Variants in ATXN2 observed in about 807,000 individuals in gnomAD.
The protein encoded by ATXN2 is ataxin-2.
ATXN2 carries 37 observed loss-of-function variants against 138.6 expected under a neutral mutation model. The observed-to-expected ratio is 0.27, with a 90% CI of 0.21 to 0.35. The LOEUF (loss-of-function observed/expected upper bound fraction) is 0.35. ATXN2 is among the 10% of genes least tolerant of loss of function. The pLI is 1.00. For missense variants in ATXN2, 1,216 were observed against 1,480.3 expected (o/e 0.82, Z 2.93); for synonymous variants, 549 against 543.7 (o/e 1.01, Z -0.13).
chr12:111,522,776 T>C (rs1880250942), intron 6 of ATXN2, among the ~76,000 whole-genome samples: 1 of 151,732 alleles, frequency 6.6e-6, no homozygotes, highest in African/African-American at 2.4e-5. Flanking sequence ...TAGCCAGATG[T>C]GGTGGCGGGC....
rs1883693131 is a variant in ATXN2 at position 111,576,924 on chromosome 12, CT to C, written c.252-21006del. ...AGTGAGCCGAGATCACGCCACTGCA[CT>C]CCAGCCTGGGCGACAGAGCGAGACT... On this transcript the variant is annotated intron_variant, in intron 1 of 24. Transcript: ENST00000673436. 2.0e-5 allele frequency among the ~76,000 whole-genome samples: 3 copies of C among 151,966 alleles called. No homozygotes were observed. In the South Asian group the frequency reaches 6.2e-4, roughly 31 times the overall value.
intron 14 of ATXN2, among the ~76,000 whole-genome samples, chr12:111,504,728 A>T (rs964339571): frequency 6.6e-6 from 1 of 152,154 alleles, no homozygotes; most frequent in Non-Finnish European, 1.5e-5. Context: ...TAATATAAAG[A>T]ATGAATTTGA....
chr12:111,529,042 A>C (rs1348606502), intron 5 of ATXN2, among the ~76,000 whole-genome samples: 1 of 152,076 alleles, frequency 6.6e-6, no homozygotes, highest in Non-Finnish European at 1.5e-5. Flanking sequence ...CAATCACTGC[A>C]GCCCTGGGCT....
At chr12:111,593,074 T>C (rs915453698) in intron 1 of ATXN2, among the ~76,000 whole-genome samples, 1 of 151,970 alleles carries the variant, frequency 6.6e-6, no homozygotes, top group African/African-American at 2.4e-5. Context: ...AATGAGATCC[T>C]CCTTTTTTTG....
At chr12:111,492,563 T>C (rs1194023690) in intron 14 of ATXN2, among the ~76,000 whole-genome samples, 2 of 151,910 alleles carry the variant, frequency 1.3e-5, no homozygotes, top group African/African-American at 4.8e-5. Flanking sequence ...GCACCTGTAA[T>C]CCCAGCTACT....
chr12:111,485,076 C>T (rs1314573028), intron 18 of ATXN2, 189 bp downstream of exon 18: 1 of 524,452 alleles, frequency 1.9e-6, no homozygotes. Flanking sequence ...AACTGATGGG[C>T]ATTTTTTCTC....
intron 5 of ATXN2, among the ~76,000 whole-genome samples, chr12:111,549,334 T>C (rs1881999751): frequency 6.6e-6 from 1 of 151,866 alleles, no homozygotes; most frequent in Admixed American, 6.6e-5. Flanking sequence ...CCATGCGGCC[T>C]GGCCAACATG....
At chr12:111,569,123 A>G (rs190781668) in intron 1 of ATXN2, among the ~76,000 whole-genome samples, 1 of 152,306 alleles carries the variant, frequency 6.6e-6, no homozygotes, top group African/African-American at 2.4e-5. Context: ...AACAATTACC[A>G]TTCACACAAG....
In ATXN2 at chr12:111,516,283, G is replaced by A; in HGVS notation, c.1246C>T (p.Pro416Ser). Residue 416 changes from proline to serine, a missense_variant, in exon 10 of 25, where the codon CCT becomes TCT. Physicochemically the swap from Pro to Ser is moderately conservative, Grantham distance 74. This residue lies in a region of ATXN2 where 401 missense variants were observed against 528.1 expected (regional missense o/e 0.76). Coordinates refer to ENST00000673436, the MANE Select transcript of ATXN2 (RefSeq NM_001372574.1). The surrounding 1 kb of genome is among the most constrained non-coding windows in gnomAD (Gnocchi z 5.0). ...GGCCGTGTAGGGGTGGCTGCCCGAG[G>A]TGGAAGAGAGTTGGGACCTGACTGG... ...RYQSGPNSLP[P>S]RAATPTRPPS... 6.3e-7 allele frequency: 1 copy of A among 1,576,608 alleles called. No homozygotes were observed. The highest frequency in any genetic ancestry group is 8.6e-7 in the Non-Finnish European group (1 of 1,166,890).
intron 5 of ATXN2, among the ~76,000 whole-genome samples, chr12:111,548,618 T>C (rs1043093236): frequency 2.0e-5 from 3 of 152,228 alleles, no homozygotes; most frequent in Admixed American, 1.3e-4. Context: ...ACTTCTATTA[T>C]AAAAAACACT....
chr12:111,527,751 A>G (rs1405443786), intron 5 of ATXN2, among the ~76,000 whole-genome samples: 3 of 152,282 alleles, frequency 2.0e-5, no homozygotes, highest in East Asian at 1.9e-4. Context: ...AAATCTCTCT[A>G]AGAGATTCTA....
At chr12:111,585,564 G>C (rs1884277453) in intron 1 of ATXN2, among the ~76,000 whole-genome samples, 1 of 151,404 alleles carries the variant, frequency 6.6e-6, no homozygotes, top group Non-Finnish European at 1.5e-5. Context: ...CGGCACTTTG[G>C]GAGGCTGAAG....
intron 1 of ATXN2, among the ~76,000 whole-genome samples, chr12:111,589,680 G>A (rs908877929): frequency 2.0e-5 from 3 of 151,858 alleles, no homozygotes; most frequent in Non-Finnish European, 4.4e-5. Flanking sequence ...GCTGAGGCAT[G>A]AGAATCATTT....
In ATXN2 at chr12:111,485,476, C is replaced by A. The variant is rs960656676; in HGVS notation, c.2458-145G>T. On this transcript the variant is annotated intron_variant, in intron 17 of 24. Transcript: ENST00000673436. ...TAGTCATTAAAAAATTAGATCATAC[C>A]CACAGCTAAAAGGAACAAACCCCAA... 15 of 960,890 alleles carry A rather than the reference C, an allele frequency of 1.6e-5. No homozygotes were observed. The East Asian group carries it at 3.5e-4, about 22-fold the overall frequency. 59.5% of individuals were successfully genotyped at this position (960,890 alleles called of 1,614,324 possible).
At chr12:111,506,981 G>A (rs1006610134) in intron 14 of ATXN2, among the ~76,000 whole-genome samples, 1 of 152,158 alleles carries the variant, frequency 6.6e-6, no homozygotes, top group Non-Finnish European at 1.5e-5. Context: ...TGGTGCCCAG[G>A]CTGGAGTGCA....
rs10560189 is a variant in ATXN2, at chr12:111,598,949, GGCTGCTGCTGCTGCT to G, written c.71_85del (p.Gln24_Gln28del). 42 of 1,412,062 alleles carry G rather than the reference GGCTGCTGCTGCTGCT, an allele frequency of 3.0e-5. No individual in the cohort carries two copies. Among genetic ancestry groups the G allele is most frequent in the East Asian group, 2.0e-4 (7 of 34,298 alleles). 87.5% of individuals were successfully genotyped at this position (1,412,062 alleles called of 1,614,324 possible). A position where few individuals can be genotyped will look rare whatever the true frequency, so the allele number is the denominator to read the frequency against. ...GCGGACATTGGCAGCCGCGGGCGGCGGCTGCTGCTGCTGCTGCTGCTGCTGCTGTTGCTGCTGCTG... is the reference window on the plus strand; with the variant it reads ...GCGGACATTGGCAGCCGCGGGCGGCGGCTGCTGCTGCTGTTGCTGCTGCTG... On this transcript the variant is annotated inframe_deletion, in exon 1 of 25. Transcript: ENST00000673436. This position sits in a 1 kb window ranked among gnomAD's most constrained non-coding sequence, Gnocchi z 4.5.
In ATXN2 at chr12:111,598,860, C is replaced by CCGAGGA. The variant is rs1445784900; in HGVS notation, c.169_174dup (p.Ser57_Ser58dup). 4.7e-6 allele frequency: 7 copies of CCGAGGA among 1,489,050 alleles called. No homozygotes were observed. Among genetic ancestry groups the CCGAGGA allele is most frequent in the East Asian group, 5.7e-5 (2 of 35,060 alleles). 92.2% of individuals were successfully genotyped at this position (1,489,050 alleles called of 1,614,324 possible). A position where few individuals can be genotyped will look rare whatever the true frequency, so the allele number is the denominator to read the frequency against. ...GGAGCCGTGGCCGAGGACGAGGAGACCGAGGACGAGGACGGCGAAGGCGCG... is the reference window on the plus strand; with the variant it reads ...GGAGCCGTGGCCGAGGACGAGGAGACCGAGGACGAGGACGAGGACGGCGAAGGCGCG... On this transcript the variant is annotated inframe_insertion, in exon 1 of 25. Coordinates refer to ENST00000673436, the MANE Select transcript of ATXN2 (RefSeq NM_001372574.1). The surrounding 1 kb of genome is among the most constrained non-coding windows in gnomAD (Gnocchi z 4.5).
At chr12:111,574,518 C>A (rs1334295890) in intron 1 of ATXN2, among the ~76,000 whole-genome samples, 2 of 151,776 alleles carry the variant, frequency 1.3e-5, no homozygotes, top group Non-Finnish European at 2.9e-5. Flanking sequence ...ACCTCCAATT[C>A]CTGGGTTTAA....
At position 111,485,182 on chromosome 12, in the gene ATXN2, C is replaced by G. The variant is rs78308472; in HGVS notation, c.2524+83G>C. 6.0e-4 allele frequency: 805 copies of G among 1,332,752 alleles called. 1 individual carries two copies. In the East Asian group the frequency reaches 0.016, roughly 26 times the overall value. The allele number at this position is 1,332,752 out of a possible 1,614,324, so 82.6% of individuals were successfully genotyped here. ...TCATCAAAAAGTCAGAGCTAAACTA[C>G]AACTATTTATTCATTATAAACTTAG... On this transcript the variant is annotated intron_variant, in intron 18 of 24. Transcript: ENST00000673436.
Sources: allele counts gnomAD v4.1 joint callset (sites outside exome capture counted in the v4.1 genomes callset), GRCh38; gene constraint gnomAD v4.1.1; regional missense constraint gnomAD v4.1.1; non-coding constraint Gnocchi (gnomAD v3.1); transcripts MANE v1.5; gene names NCBI Gene and HGNC (gene_info 2026-07-23, HGNC 2026-07-21).